Variants in LHFPL2 observed in about 807,000 individuals in gnomAD.
LHFPL2 encodes the protein LHFPL tetraspan subfamily member 2 protein.
A neutral mutation model predicts 17.5 loss-of-function variants in LHFPL2; 7 were observed. The ratio of observed to expected loss-of-function variants is 0.40; its 90% CI spans 0.23 to 0.75. The LOEUF is 0.75. Among genes scored for constraint, LHFPL2 ranks in the 30% least tolerant of loss-of-function variants. LHFPL2 has a pLI of 0.37. For missense variants in LHFPL2, 241 were observed against 294.8 expected, an observed-to-expected ratio of 0.82 and a Z score of 1.34; for synonymous variants, 134 against 116.2, an observed-to-expected ratio of 1.15 and a Z score of -0.99.
intron 3 of LHFPL2, among the ~76,000 whole-genome samples, chr5:78,511,098 CAG>C (rs944137655): frequency 9.7e-6 from 1 of 103,474 alleles, no homozygotes; most frequent in Non-Finnish European, 2.2e-5. Flanking sequence ...AATTAAAACT[CAG>C]AGGGGAAAAA....
intron 2 of LHFPL2, among the ~76,000 whole-genome samples, chr5:78,581,924 C>G (rs1162447684): frequency 1.3e-5 from 2 of 152,130 alleles, no homozygotes; most frequent in Non-Finnish European, 1.5e-5. Flanking sequence ...TGGTCCTGTA[C>G]TATTTTTGGT....
At chr5:78,579,346 T>TTTA (rs990928639) in intron 2 of LHFPL2, among the ~76,000 whole-genome samples, 3 of 152,038 alleles carry the variant, frequency 2.0e-5, no homozygotes, top group South Asian at 4.2e-4. Context: ...TTTTCATTTA[T>TTTA]TTATTATTAT....
intron 3 of LHFPL2, among the ~76,000 whole-genome samples, chr5:78,530,538 A>G (rs1176773871): frequency 6.6e-6 from 1 of 152,194 alleles, no homozygotes; most frequent in African/African-American, 2.4e-5. Context: ...TCATGGAGTG[A>G]GGTCATTTGC....
intron 3 of LHFPL2, among the ~76,000 whole-genome samples, chr5:78,524,562 TG>T (rs1755559160): frequency 6.6e-6 from 1 of 151,954 alleles, no homozygotes; most frequent in African/African-American, 2.4e-5. Flanking sequence ...GACAAAATGG[TG>T]AAACCCCACC....
intron 3 of LHFPL2, 81 bp from the exon 4 acceptor site, chr5:78,510,479 G>GGCCCGT (rs1755081716): frequency 2.2e-6 from 1 of 457,934 alleles, no homozygotes; most frequent in Non-Finnish European, 3.9e-6. Flanking sequence ...GTCCAAGTCC[G>GGCCCGT]GCCCGTGCCC....
At chr5:78,502,241 G>A (rs530084437) in intron 4 of LHFPL2, among the ~76,000 whole-genome samples, 1 of 152,344 alleles carries the variant, frequency 6.6e-6, no homozygotes, top group South Asian at 2.1e-4. Flanking sequence ...ATAATTACTT[G>A]AAATTAATGG....
At chr5:78,506,820 C>T (rs1043940051) in intron 4 of LHFPL2, among the ~76,000 whole-genome samples, 2 of 152,186 alleles carry the variant, frequency 1.3e-5, no homozygotes, top group African/African-American at 4.8e-5. Flanking sequence ...TCCTAGACAG[C>T]AGTCAAACTA....
rs143131037 is a variant in LHFPL2 at position 78,600,848 on chromosome 5, T to G, written c.-245+31416A>C. 5.0e-3 allele frequency among the ~76,000 whole-genome samples: 769 copies of G among 152,302 alleles called. 12 individuals are homozygous for G. Among genetic ancestry groups the G allele is most frequent in the African/African-American group, 0.018 (742 of 41,562 alleles). ...GAAGTTGGTAACTAAAGTCAAAGGT[T>G]CTGGCTGAGAAAACACTTTCCACAA... On this transcript the variant is annotated intron_variant, in intron 2 of 4. Coordinates refer to ENST00000380345, the MANE Select transcript of LHFPL2 (RefSeq NM_005779.3).
chr5:78,545,271 G>A (rs912762093), intron 3 of LHFPL2, among the ~76,000 whole-genome samples: 5 of 152,128 alleles, frequency 3.3e-5, no homozygotes, highest in African/African-American at 9.7e-5. Context: ...TCCCCATCAG[G>A]AGGCAACACC....
At chr5:78,580,414 C>A (rs1437813530) in intron 2 of LHFPL2, among the ~76,000 whole-genome samples, 6 of 151,804 alleles carry the variant, frequency 4.0e-5, no homozygotes, top group Non-Finnish European at 7.4e-5. Context: ...ACATGAAGTC[C>A]TTGCCCATGC....
chr5:78,638,533 G>C (rs1001011888), intron 1 of LHFPL2, among the ~76,000 whole-genome samples: 2 of 152,176 alleles, frequency 1.3e-5, no homozygotes, highest in Non-Finnish European at 2.9e-5. Context: ...ACCATGGAAT[G>C]CTGGCTCTTT....
chr5:78,622,598 C>T (rs772524254), intron 2 of LHFPL2, among the ~76,000 whole-genome samples: 7 of 152,178 alleles, frequency 4.6e-5, no homozygotes, highest in Admixed American at 2.0e-4. Flanking sequence ...TCAGTCCTTC[C>T]TTACTGTGGC....
intron 3 of LHFPL2, among the ~76,000 whole-genome samples, chr5:78,521,528 T>G (rs574831890): frequency 6.6e-6 from 1 of 152,346 alleles, no homozygotes; most frequent in East Asian, 1.9e-4. Flanking sequence ...TAGATTTAAA[T>G]TTTTTTAAAA....
At chr5:78,642,682 C>T (rs1418686998) in intron 1 of LHFPL2, among the ~76,000 whole-genome samples, 3 of 152,152 alleles carry the variant, frequency 2.0e-5, no homozygotes, top group Non-Finnish European at 2.9e-5. Context: ...CTCCAGACCT[C>T]GCCTCCTGCC....
intron 2 of LHFPL2, among the ~76,000 whole-genome samples, chr5:78,582,775 G>T (rs1400653205): frequency 6.6e-6 from 1 of 152,206 alleles, no homozygotes; most frequent in Non-Finnish European, 1.5e-5. Context: ...GATTTGGGGT[G>T]TAGAGCTCTG....
At chr5:78,546,094 G>C (rs1053304163) in intron 3 of LHFPL2, among the ~76,000 whole-genome samples, 1 of 152,176 alleles carries the variant, frequency 6.6e-6, no homozygotes, top group South Asian at 2.1e-4. Context: ...GTGACCGTCT[G>C]TGAGCCATTA....
At chr5:78,537,399 T>A (rs1755981941) in intron 3 of LHFPL2, among the ~76,000 whole-genome samples, 1 of 152,158 alleles carries the variant, frequency 6.6e-6, no homozygotes, top group Non-Finnish European at 1.5e-5. Flanking sequence ...AAAAAAAAGA[T>A]CTATTTTTAG....
intron 3 of LHFPL2, among the ~76,000 whole-genome samples, chr5:78,530,253 T>A (rs908709464): frequency 1.3e-5 from 2 of 152,168 alleles, no homozygotes; most frequent in East Asian, 1.9e-4. Context: ...AATGAAAAAA[T>A]TCTAACCCAT....
chr5:78,494,375 C>T, intron 4 of LHFPL2: 14 of 985,358 alleles, frequency 1.4e-5, no homozygotes, highest in Non-Finnish European at 1.7e-5. Context: ...TGCGATGGCT[C>T]AACTTGACAG....
Sources: gnomAD v4.1 joint callset for allele counts (sites outside exome capture counted in the v4.1 genomes callset) on GRCh38, gnomAD v4.1.1 for gene constraint, MANE v1.5 for transcripts, NCBI Gene and HGNC (gene_info 2026-07-23, HGNC 2026-07-21) for gene names.